The following ZBTB7C variants were observed in gnomAD, a reference collection of about 807,000 sequenced individuals.
ZBTB7C encodes the protein zinc finger and BTB domain containing 7C.
A neutral mutation model predicts 25.7 loss-of-function variants in ZBTB7C; 8 were observed. That is an observed-to-expected ratio of 0.31 (90% CI 0.18 to 0.56). The LOEUF (loss-of-function observed/expected upper bound fraction) is 0.56, where lower values mean the gene tolerates loss of function less well. Among genes scored for constraint, ZBTB7C ranks in the 20% least tolerant of loss-of-function variants. The pLI, the probability that ZBTB7C is intolerant of heterozygous loss-of-function variation, is 0.91. For synonymous variants in ZBTB7C, 394 were observed against 369.0 expected (o/e 1.07, Z -0.78); for missense variants, 824 against 855.2 (o/e 0.96, Z 0.46).
At chr18:48,343,624 C>G (rs914012518) in intron 1 of ZBTB7C, among the ~76,000 whole-genome samples, 2 of 152,194 alleles carry the variant, frequency 1.3e-5, no homozygotes, top group Non-Finnish European at 2.9e-5. Flanking sequence ...GGGTAAGCAA[C>G]TTAATTTCTC....
intron 3 of ZBTB7C, among the ~76,000 whole-genome samples, chr18:48,138,796 G>A (rs2040251937): frequency 6.6e-6 from 1 of 152,172 alleles, no homozygotes; most frequent in East Asian, 1.9e-4. Context: ...ATCCAATGAA[G>A]CATTAACTCC....
intron 3 of ZBTB7C, among the ~76,000 whole-genome samples, chr18:48,103,126 A>ATCTG (rs2038904720): frequency 7.2e-6 from 1 of 139,382 alleles, no homozygotes; most frequent in African/African-American, 2.6e-5. Context: ...CTATCTATCT[A>ATCTG]TCTATCTATC....
intron 3 of ZBTB7C, among the ~76,000 whole-genome samples, chr18:48,057,995 G>T (rs1338100659): frequency 6.6e-6 from 1 of 152,222 alleles, no homozygotes; most frequent in African/African-American, 2.4e-5. Context: ...GGGTTCTCCA[G>T]TGATGGAAGA....
intron 1 of ZBTB7C, among the ~76,000 whole-genome samples, chr18:48,389,235 T>TGTG (rs2047833393): frequency 1.9e-5 from 1 of 52,198 alleles, no homozygotes. Context: ...TCTCTCTCTC[T>TGTG]CGTGTGTGTG....
chr18:48,275,897 C>CA (rs1158554851), intron 2 of ZBTB7C, among the ~76,000 whole-genome samples: 1 of 152,136 alleles, frequency 6.6e-6, no homozygotes, highest in Non-Finnish European at 1.5e-5. Context: ...AGGAACCGAT[C>CA]AACTACAGAC....
chr18:48,356,429 T>C (rs1382575708), intron 1 of ZBTB7C, among the ~76,000 whole-genome samples: 1 of 152,126 alleles, frequency 6.6e-6, no homozygotes, highest in Admixed American at 6.5e-5. Flanking sequence ...CAAGTAGAGT[T>C]TAACAGTGTC....
At chr18:48,089,163 A>G (rs2038309504) in intron 3 of ZBTB7C, among the ~76,000 whole-genome samples, 1 of 152,140 alleles carries the variant, frequency 6.6e-6, no homozygotes, top group Non-Finnish European at 1.5e-5. Flanking sequence ...GCTCCCAACC[A>G]TGGACTTCTA....
intron 1 of ZBTB7C, among the ~76,000 whole-genome samples, chr18:48,367,190 TATATATATATATACACAC>T (rs1407849509): frequency 1.9e-4 from 13 of 68,542 alleles, no homozygotes; most frequent in East Asian, 1.5e-3. Flanking sequence ...TATATATATA[TATATATATATATACACAC>T]ACACACACAC....
intron 1 of ZBTB7C, among the ~76,000 whole-genome samples, chr18:48,382,176 A>G (rs2047647587): frequency 6.6e-6 from 1 of 152,326 alleles, no homozygotes. Context: ...AATGCCTAAA[A>G]CTGAAAAATC....
intron 3 of ZBTB7C, among the ~76,000 whole-genome samples, chr18:48,147,163 C>A (rs749058626): frequency 6.6e-6 from 1 of 151,588 alleles, no homozygotes. Context: ...CTGCAACCTC[C>A]GCCTCCTGGG....
At chr18:48,143,959 G>T (rs963745376) in intron 3 of ZBTB7C, among the ~76,000 whole-genome samples, 3 of 152,154 alleles carry the variant, frequency 2.0e-5, no homozygotes, top group Non-Finnish European at 4.4e-5. Flanking sequence ...AGGACAAGCG[G>T]GAGTACCCCT....
intron 2 of ZBTB7C, among the ~76,000 whole-genome samples, chr18:48,187,820 CAAAAAAA>C (rs919402026): frequency 4.1e-5 from 3 of 73,378 alleles, no homozygotes; most frequent in Admixed American, 3.7e-4. Context: ...GACCCCGTCT[CAAAAAAA>C]AAAAAAAAAA....
chr18:48,232,566 T>C (rs933685401), intron 2 of ZBTB7C, among the ~76,000 whole-genome samples: 1 of 152,164 alleles, frequency 6.6e-6, no homozygotes, highest in Non-Finnish European at 1.5e-5. Flanking sequence ...TCAGCTAAGA[T>C]CTGTCCAAAT....
At chr18:48,256,475 C>A (rs1194918036) in intron 2 of ZBTB7C, among the ~76,000 whole-genome samples, 2 of 66,420 alleles carry the variant, frequency 3.0e-5, no homozygotes, top group African/African-American at 4.1e-5. Flanking sequence ...CATACAAAAG[C>A]TCAAAAAAAA....
chr18:48,073,622 C>T (rs1266781311), intron 3 of ZBTB7C, among the ~76,000 whole-genome samples: 4 of 152,188 alleles, frequency 2.6e-5, no homozygotes, highest in Non-Finnish European at 5.9e-5. Flanking sequence ...CTCTGCTCCT[C>T]CCTCAGCCTC....
intron 1 of ZBTB7C, among the ~76,000 whole-genome samples, chr18:48,362,583 C>A (rs1332581652): frequency 6.6e-6 from 1 of 152,234 alleles, no homozygotes; most frequent in Non-Finnish European, 1.5e-5. Flanking sequence ...CATGAACAAT[C>A]AGTTTCTGCT....
At chr18:48,362,673 T>C (rs920419480) in intron 1 of ZBTB7C, among the ~76,000 whole-genome samples, 31 of 152,162 alleles carry the variant, frequency 2.0e-4, no homozygotes, top group African/African-American at 7.5e-4. Context: ...GGGGAGTCCT[T>C]GTCACCTGCA....
At chr18:48,184,814 G>A (rs2042015886) in intron 3 of ZBTB7C, among the ~76,000 whole-genome samples, 1 of 72,602 alleles carries the variant, frequency 1.4e-5, no homozygotes. Flanking sequence ...GCTGTGTGGA[G>A]AATTTTCTCT....
chr18:48,131,476 T>C (rs757507547), intron 3 of ZBTB7C, among the ~76,000 whole-genome samples: 3 of 152,220 alleles, frequency 2.0e-5, no homozygotes, highest in African/African-American at 4.8e-5. Flanking sequence ...AGTTGTTTTT[T>C]TTTTTGTGTG....
Sources: allele counts gnomAD v4.1 joint callset (sites outside exome capture counted in the v4.1 genomes callset), GRCh38; gene constraint gnomAD v4.1.1; transcripts MANE v1.5; gene names NCBI Gene and HGNC (gene_info 2026-07-23, HGNC 2026-07-21).